XPO6: variants seen among roughly 807,000 people sequenced by gnomAD.
XPO6 encodes exportin 6, also known as exportin-6.
XPO6 carries 3 observed loss-of-function variants against 130.0 expected under a neutral mutation model. The observed-to-expected ratio is 0.02, with a 90% CI of 0.01 to 0.06. The LOEUF (loss-of-function observed/expected upper bound fraction) is 0.06. Among genes scored for constraint, XPO6 ranks in the 10% least tolerant of loss-of-function variants. XPO6 has a pLI of 1.00. For missense variants in XPO6, 970 were observed against 1,393.0 expected, an observed-to-expected ratio of 0.70 and a Z score of 4.83; for synonymous variants, 524 against 548.9, an observed-to-expected ratio of 0.95 and a Z score of 0.63.
At chr16:28,199,715 C>T (rs907064634) in intron 1 of XPO6, among the ~76,000 whole-genome samples, 3 of 151,990 alleles carry the variant, frequency 2.0e-5, no homozygotes, top group Non-Finnish European at 4.4e-5. Flanking sequence ...TACAGGCACC[C>T]ACCACCACAC....
chr16:28,185,877 A>G (rs547602092), intron 1 of XPO6, among the ~76,000 whole-genome samples: 1 of 152,268 alleles, frequency 6.6e-6, no homozygotes, highest in South Asian at 2.1e-4. Flanking sequence ...ACTCTTGGAG[A>G]GCTCTGCATA....
intron 16 of XPO6, 70 bp downstream of exon 16, chr16:28,112,834 C>T (rs1455404074): frequency 9.0e-6 from 14 of 1,550,622 alleles, no homozygotes; most frequent in Non-Finnish European, 1.2e-5. Flanking sequence ...AGGCCAGACT[C>T]TTCTTCCTCA....
chr16:28,103,464 G>A (rs919457792), intron 21 of XPO6, among the ~76,000 whole-genome samples: 1 of 152,226 alleles, frequency 6.6e-6, no homozygotes, highest in African/African-American at 2.4e-5. Flanking sequence ...CAGGTTGTGT[G>A]AACATATGCT....
intron 8 of XPO6, among the ~76,000 whole-genome samples, chr16:28,152,386 T>TG (rs1250832129): frequency 2.0e-5 from 3 of 152,232 alleles, no homozygotes; most frequent in African/African-American, 7.2e-5. Flanking sequence ...GCCCTGACTC[T>TG]GGGTTCAGAT....
chr16:28,142,993 G>A (rs2042922014), intron 9 of XPO6, among the ~76,000 whole-genome samples: 1 of 152,210 alleles, frequency 6.6e-6, no homozygotes, highest in Admixed American at 6.5e-5. Flanking sequence ...TTACAAGAAT[G>A]AGCAATGGCA....
intron 1 of XPO6, among the ~76,000 whole-genome samples, chr16:28,195,700 C>G (rs2043848204): frequency 6.6e-6 from 1 of 152,164 alleles, no homozygotes; most frequent in Non-Finnish European, 1.5e-5. Flanking sequence ...TTGCAGTGAG[C>G]AGAGATCACG....
At chr16:28,181,422 CCT>C (rs2043612671) in intron 1 of XPO6, among the ~76,000 whole-genome samples, 2 of 152,144 alleles carry the variant, frequency 1.3e-5, no homozygotes, top group African/African-American at 4.8e-5. Context: ...ATACATTTCC[CCT>C]GTGTCTGAAT....
intron 1 of XPO6, among the ~76,000 whole-genome samples, chr16:28,202,346 G>A (rs1414693058): frequency 6.6e-6 from 1 of 152,292 alleles, no homozygotes; most frequent in East Asian, 1.9e-4. Flanking sequence ...GAATGACTGG[G>A]GTTCACGTGG....
chr16:28,174,206 A>C (rs1007991629), intron 4 of XPO6, among the ~76,000 whole-genome samples: 1 of 152,176 alleles, frequency 6.6e-6, no homozygotes, highest in East Asian at 1.9e-4. Context: ...GCCATTCCTC[A>C]GGTCCTGTGC....
At chr16:28,160,504 C>CAAA (rs56821334) in intron 6 of XPO6, among the ~76,000 whole-genome samples, 2 of 113,198 alleles carry the variant, frequency 1.8e-5, no homozygotes, top group African/African-American at 6.4e-5. Context: ...ACTCCATCAC[C>CAAA]AAAAAAAAAA....
intron 1 of XPO6, among the ~76,000 whole-genome samples, chr16:28,205,838 G>A (rs1226402062): frequency 6.6e-6 from 1 of 151,926 alleles, no homozygotes; most frequent in African/African-American, 2.4e-5. Flanking sequence ...AGGAGTTCAA[G>A]ACCAGCCTGG....
At chr16:28,197,912 C>CT (rs2043891213) in intron 1 of XPO6, among the ~76,000 whole-genome samples, 1 of 27,954 alleles carries the variant, frequency 3.6e-5, no homozygotes, top group South Asian at 2.0e-3. Context: ...CAGAGAGACT[C>CT]TTAAAAAAAA....
At chr16:28,105,779 T>G in intron 20 of XPO6, 1 of 446,498 alleles carries the variant, frequency 2.2e-6, no homozygotes, top group Non-Finnish European at 4.0e-6. Flanking sequence ...CTTAAAGGTA[T>G]AAAATTTGCC....
chr16:28,113,739 C>T (rs778452452), intron 15 of XPO6, among the ~76,000 whole-genome samples: 29 of 152,044 alleles, frequency 1.9e-4, no homozygotes, highest in African/African-American at 2.7e-4. Context: ...AGAAGATTAC[C>T]TAAAAGGGTA....
intron 1 of XPO6, among the ~76,000 whole-genome samples, chr16:28,201,669 A>C (rs2043955295): frequency 6.6e-6 from 1 of 152,118 alleles, no homozygotes; most frequent in African/African-American, 2.4e-5. Flanking sequence ...ATCCTGGCTA[A>C]CACGGTGAAA....
chr16:28,166,185 G>A (rs141350000), intron 6 of XPO6, among the ~76,000 whole-genome samples: 104 of 152,170 alleles, frequency 6.8e-4, no homozygotes, highest in African/African-American at 2.5e-3. Context: ...GCAGGCTGCT[G>A]CCCACCTCCT....
chr16:28,185,497 G>T (rs1431004566), intron 1 of XPO6, among the ~76,000 whole-genome samples: 2 of 152,142 alleles, frequency 1.3e-5, no homozygotes, highest in East Asian at 3.8e-4. Context: ...ACACAAAGAT[G>T]ATCAACTTTA....
At chr16:28,142,108 A>C (rs541081364) in intron 9 of XPO6, among the ~76,000 whole-genome samples, 1 of 152,354 alleles carries the variant, frequency 6.6e-6, no homozygotes, top group South Asian at 2.1e-4. Context: ...TTGTGACTTA[A>C]CCACACCTAC....
intron 4 of XPO6, among the ~76,000 whole-genome samples, chr16:28,174,416 T>C (rs2043502852): frequency 6.6e-6 from 1 of 152,186 alleles, no homozygotes; most frequent in Non-Finnish European, 1.5e-5. Context: ...CCTCCAAGTG[T>C]GTACCTGTTT....
Sources: gnomAD v4.1 joint callset for allele counts (sites outside exome capture counted in the v4.1 genomes callset) on GRCh38, gnomAD v4.1.1 for gene constraint, MANE v1.5 for transcripts, NCBI Gene and HGNC (gene_info 2026-07-23, HGNC 2026-07-21) for gene names.